SYDE1: variants seen among roughly 807,000 people sequenced by gnomAD.
The protein encoded by SYDE1 is rho GTPase-activating protein SYDE1.
SYDE1 carries 34 observed loss-of-function variants against 63.3 expected under a neutral mutation model. The ratio of observed to expected loss-of-function variants is 0.54; its 90% CI spans 0.41 to 0.71. The LOEUF is 0.71. SYDE1 is among the 30% of genes least tolerant of loss of function. The pLI is 0.00. For synonymous variants in SYDE1, 467 were observed against 473.4 expected (o/e 0.99, Z 0.18); for missense variants, 925 against 1,042.5 (o/e 0.89, Z 1.55).
At position 15,112,472 on chromosome 19, in the gene SYDE1, A is replaced by C. The variant is rs1403875570; in HGVS notation, c.1705A>C (p.Thr569Pro). 1 of 1,606,434 alleles carries C rather than the reference A, an allele frequency of 6.2e-7. No homozygotes were observed. The highest frequency in any genetic ancestry group is 8.5e-7 in the Non-Finnish European group (1 of 1,176,954). The change falls in exon 7 of 8, where the codon ACA becomes CCA. Residue 569 changes from threonine to proline, a missense_variant. Physicochemically the swap from Thr to Pro is conservative, Grantham distance 38. Around this residue, in one of 3 missense-constraint regions of SYDE1, gnomAD observed 255 missense variants for 255.9 expected, o/e 1.00. Transcript: ENST00000342784. ...GCTGCTGCCGGCACGCCAGGCGCCC[A>C]CAAGGCCTCGTGCCCGCAGCTCCGG... is the stretch of plus-strand genomic sequence containing the variant. ...PVLLPARQAP[T>P]RPRARSSGPG...
chr19:15,111,888 G>A lies in SYDE1; in HGVS notation c.1578+96G>A. The stretch of plus-strand genomic sequence containing the variant: ...CTGGGCCTGAGATGGGCATGAGCTG[G>A]CAGCATCATCATATCCCCAAGAAAT... On this transcript the variant is annotated intron_variant, in intron 6 of 7. Coordinates refer to ENST00000342784, the MANE Select transcript of SYDE1 (RefSeq NM_033025.6). The surrounding 1 kb of genome is among the most constrained non-coding windows in gnomAD (Gnocchi z 5.5). The A allele has an allele frequency of 8.0e-7, 1 of 1,246,452 alleles. No individual in the cohort carries two copies. The allele number at this position is 1,246,452 out of a possible 1,614,324, so 77.2% of individuals were successfully genotyped here.
At chr19:15,113,491 T>C in intron 7 of SYDE1, 69 bp from the exon 8 acceptor site, 1 of 1,488,040 alleles carries the variant, frequency 6.7e-7, no homozygotes, top group South Asian at 1.3e-5. Context: ...ATCAGGAGCC[T>C]AGTTCCCTAA....
In SYDE1 at chr19:15,112,418, C is replaced by A; in HGVS notation, c.1651C>A (p.Gln551Lys). The A allele has an allele frequency of 6.2e-7, 1 of 1,601,422 alleles. No individual in the cohort carries two copies. The highest frequency in any genetic ancestry group is 1.3e-5 in the African/African-American group (1 of 74,954). The change falls in exon 7 of 8, where the codon CAG (glutamine) becomes AAG (lysine). Residue 551 changes from glutamine to lysine, a missense_variant. Physicochemically the swap from Gln to Lys is moderately conservative, Grantham distance 53. Coordinates refer to ENST00000342784, the MANE Select transcript of SYDE1 (RefSeq NM_033025.6). The part of the protein sequence containing the change: ...SFHAYNRMTP[Q>K]NLAVCFGPVL... ...CCATGCCTACAACCGCATGACCCCA[C>A]AGAACTTGGCCGTGTGCTTCGGGCC...
In SYDE1 at chr19:15,109,199, C is replaced by T. The variant is rs755331402; in HGVS notation, c.232C>T (p.Pro78Ser). ...ARGAYLQSLE[P>S]SSRRWVLGGA... ...GGGAGCCTACCTGCAAAGCCTGGAG[C>T]CCAGTAGCCGCCGATGGGTGCTGGG... Residue 78 changes from proline to serine, a missense_variant, in exon 2 of 8, where the codon CCC becomes TCC. By Grantham distance (74) the Pro-to-Ser change is moderately conservative (BLOSUM62 -1). This residue lies in a region of SYDE1 where 599 missense variants were observed against 653.7 expected (regional missense o/e 0.92). Coordinates refer to ENST00000342784, the MANE Select transcript of SYDE1 (RefSeq NM_033025.6). The surrounding 1 kb of genome is among the most constrained non-coding windows in gnomAD (Gnocchi z 5.0). The T allele has an allele frequency of 3.2e-6, 5 of 1,564,132 alleles. No homozygotes were observed. The highest frequency in any genetic ancestry group is 4.3e-6 in the Non-Finnish European group (5 of 1,154,024).
Position 15,112,516 on chromosome 19 carries a change from A to T in SYDE1, c.1749A>T (p.Ala583=). The T allele has an allele frequency of 6.2e-7, 1 of 1,606,550 alleles. No homozygotes were observed. Among genetic ancestry groups the T allele is most frequent in the South Asian group, 1.1e-5 (1 of 89,400 alleles). ...GCTCCGGCCCAGGCCTTGCCAGTGCAGTGGACTTCAAGCACCACATCGAGG... is the reference window on the plus strand; with the variant it reads ...GCTCCGGCCCAGGCCTTGCCAGTGCTGTGGACTTCAAGCACCACATCGAGG... ...ARSSGPGLAS[A]VDFKHHIEVL... Residue 583 remains alanine (A), a synonymous_variant, in exon 7 of 8, where the codon GCA becomes GCT. Transcript: ENST00000342784.
chr19:15,113,921 T>G lies in SYDE1; in HGVS notation c.2166T>G (p.Asp722Glu). 1 of 1,613,976 alleles carries G rather than the reference T, an allele frequency of 6.2e-7. No individual in the cohort carries two copies. Among genetic ancestry groups the G allele is most frequent in the African/African-American group, 1.3e-5 (1 of 75,062 alleles). The change falls in exon 8 of 8, where the codon GAT becomes GAG. Residue 722 changes from aspartate (D) to glutamate (E), a missense_variant. By Grantham distance (45) the Asp-to-Glu change is conservative. Transcript: ENST00000342784. ...NLKDFDALIL[D>E]LERELSKQIN... is the part of the protein sequence containing the mutation. Reference sequence around the variant, plus strand: ...AAGACTTCGACGCCCTCATCCTGGATCTGGAGAGAGAGCTCTCCAAGCAAA... The same window carrying G: ...AAGACTTCGACGCCCTCATCCTGGAGCTGGAGAGAGAGCTCTCCAAGCAAA...
At position 15,114,138 on chromosome 19, in the gene SYDE1, C is replaced by A; in HGVS notation, c.*175C>A. The A allele has an allele frequency of 1.5e-6, 1 of 646,094 alleles. No individual in the cohort carries two copies. The highest frequency in any genetic ancestry group is 2.6e-6 in the Non-Finnish European group (1 of 382,184). The allele number at this position is 646,094 out of a possible 1,614,324, so 40.0% of individuals were successfully genotyped here. A position where few individuals can be genotyped will look rare whatever the true frequency, so the allele number is the denominator to read the frequency against. On this transcript the variant is annotated 3_prime_UTR_variant, in exon 8 of 8. Coordinates refer to ENST00000342784, the MANE Select transcript of SYDE1 (RefSeq NM_033025.6). ...TGAGACTCATTCCCAGTTTCCAGGG[C>A]CCGGTATTTGGACACTAGTTGCCAA...
In SYDE1 at chr19:15,111,545, C is replaced by A; in HGVS notation, c.1418-87C>A. 1.3e-6 allele frequency: 2 copies of A among 1,596,730 alleles called. No individual in the cohort carries two copies. The highest frequency in any genetic ancestry group is 3.4e-5 in the Admixed American group (2 of 59,272). On this transcript the variant is annotated intron_variant, in intron 5 of 7. Coordinates refer to ENST00000342784, the MANE Select transcript of SYDE1 (RefSeq NM_033025.6). This position sits in a 1 kb window ranked among gnomAD's most constrained non-coding sequence, Gnocchi z 5.5. ...CAGTCCTCCTATCTGACCTTGCTTT[C>A]ACCCACCTCCTCTTCCCCCTTAGCT...
At chr19:15,107,875 G>A (rs1409233722) in intron 1 of SYDE1, among the ~76,000 whole-genome samples, 1 of 152,098 alleles carries the variant, frequency 6.6e-6, no homozygotes, top group East Asian at 1.9e-4. Flanking sequence ...AGTCGGGCTG[G>A]GCAAGGGGCA....
Position 15,110,070 on chromosome 19 carries a change from G to A in SYDE1, c.797G>A (p.Gly266Asp). The A allele has an allele frequency of 6.7e-7, 1 of 1,489,024 alleles. No individual in the cohort carries two copies. 92.2% of individuals were successfully genotyped at this position (1,489,024 alleles called of 1,614,324 possible). Residue 266 changes from glycine to aspartate, a missense_variant, in exon 3 of 8, where the codon GGC becomes GAC. Physicochemically the swap from Gly to Asp is moderately conservative, Grantham distance 94. Around this residue, in one of 3 missense-constraint regions of SYDE1, gnomAD observed 599 missense variants for 653.7 expected, o/e 0.92. Transcript: ENST00000342784. The surrounding 1 kb of genome is among the most constrained non-coding windows in gnomAD (Gnocchi z 6.9). Reference protein sequence around the residue: ...AARAPPAALWGRLSLHLYGLG... With the variant: ...AARAPPAALWDRLSLHLYGLG... ...CGGGCACCCCCGGCCGCACTCTGGGGCCGCCTCAGCCTGCACCTGTACGGT... is the reference window on the plus strand; with the variant it reads ...CGGGCACCCCCGGCCGCACTCTGGGACCGCCTCAGCCTGCACCTGTACGGT...
intron 7 of SYDE1, among the ~76,000 whole-genome samples, chr19:15,113,331 C>T (rs181649706): frequency 6.6e-6 from 1 of 152,330 alleles, no homozygotes; most frequent in African/African-American, 2.4e-5. Flanking sequence ...ATGATCCAGG[C>T]ATGATCCACA....
rs959630663 is a variant in SYDE1 at position 15,114,156 on chromosome 19, G to A, written c.*193G>A. The A allele has an allele frequency of 3.2e-5, 19 of 595,458 alleles. No individual in the cohort carries two copies. Among genetic ancestry groups the A allele is most frequent in the African/African-American group, 3.2e-4 (17 of 53,382 alleles). 36.9% of individuals were successfully genotyped at this position (595,458 alleles called of 1,614,324 possible). ...TCCAGGGCCCGGTATTTGGACACTA[G>A]TTGCCAAGTCTGGGGCCTGGGGATT... is the stretch of plus-strand genomic sequence containing the variant. On this transcript the variant is annotated 3_prime_UTR_variant, in exon 8 of 8. Coordinates refer to ENST00000342784, the MANE Select transcript of SYDE1 (RefSeq NM_033025.6).
Position 15,109,409 on chromosome 19 carries a change from C to T in SYDE1, c.430+12C>T, listed in dbSNP as rs1176949087. The T allele has an allele frequency of 6.6e-7, 1 of 1,525,496 alleles. No individual in the cohort carries two copies. 94.5% of individuals were successfully genotyped at this position (1,525,496 alleles called of 1,614,324 possible). ...CCTGGCCCCCCAAGGTAAGAACAAG[C>T]TTCCCATCCCCTTCCCCAAGGTGAG... On this transcript the variant is annotated intron_variant, in intron 2 of 7. Transcript: ENST00000342784. The surrounding 1 kb of genome is among the most constrained non-coding windows in gnomAD (Gnocchi z 5.0).
rs1466437187 is a variant in SYDE1, at chr19:15,112,417, A to G, written c.1650A>G (p.Pro550=). The part of the protein sequence containing the change: ...SSFHAYNRMT[P]QNLAVCFGPV... The stretch of plus-strand genomic sequence containing the variant: ...TCCATGCCTACAACCGCATGACCCC[A>G]CAGAACTTGGCCGTGTGCTTCGGGC... Residue 550 remains proline, a synonymous_variant, in exon 7 of 8, where the codon CCA becomes CCG. Transcript: ENST00000342784. 2 of 1,601,224 alleles carry G rather than the reference A, an allele frequency of 1.2e-6. No homozygotes were observed. The highest frequency in any genetic ancestry group is 1.7e-6 in the Non-Finnish European group (2 of 1,174,452).
Position 15,113,239 on chromosome 19 carries a change from G to C in SYDE1, c.1805-321G>C, listed in dbSNP as rs377278073. Among the ~76,000 whole-genome samples, 33 of 150,484 alleles carry C rather than the reference G, an allele frequency of 2.2e-4. 1 individual carries two copies. The highest frequency in any genetic ancestry group is 8.1e-4 in the African/African-American group (33 of 40,966). On this transcript the variant is annotated intron_variant, in intron 7 of 7. Transcript: ENST00000342784. ...ATTTTTAGTGGAGATGGGGCTTCAC[G>C]GTGTTGGCCAGGCTGGTCTTGAACT...
Position 15,109,894 on chromosome 19 carries a change from C to G in SYDE1, c.621C>G (p.Asp207Glu). The change falls in exon 3 of 8, where the codon GAC becomes GAG. Residue 207 changes from aspartate to glutamate, a missense_variant. Around this residue, in one of 3 missense-constraint regions of SYDE1, gnomAD observed 599 missense variants for 653.7 expected, o/e 0.92. Coordinates refer to ENST00000342784, the MANE Select transcript of SYDE1 (RefSeq NM_033025.6). This position sits in a 1 kb window ranked among gnomAD's most constrained non-coding sequence, Gnocchi z 5.0. ...CCGTCATCAGCCGCTACCACCTGGACAGCAGCGTGGGGGGCCCCGGGCCGG... is the reference window on the plus strand; with the variant it reads ...CCGTCATCAGCCGCTACCACCTGGAGAGCAGCGTGGGGGGCCCCGGGCCGG... ...AGSVISRYHLDSSVGGPGPAA... is the reference protein window; with the variant it reads ...AGSVISRYHLESSVGGPGPAA... The G allele has an allele frequency of 6.7e-7, 1 of 1,496,216 alleles. No homozygotes were observed. Among genetic ancestry groups the G allele is most frequent in the Non-Finnish European group, 8.9e-7 (1 of 1,127,316 alleles). 92.7% of individuals were successfully genotyped at this position (1,496,216 alleles called of 1,614,324 possible). A position where few individuals can be genotyped will look rare whatever the true frequency, so the allele number is the denominator to read the frequency against.
Position 15,110,887 on chromosome 19 carries a change from A to G in SYDE1, c.1290+152A>G. The stretch of plus-strand genomic sequence containing the variant: ...GACAAGGGCAGAAGGCGCCCCCTTG[A>G]CTGTAGCACCCTGGGCAGAACCCAT... On this transcript the variant is annotated intron_variant, in intron 4 of 7. Coordinates refer to ENST00000342784, the MANE Select transcript of SYDE1 (RefSeq NM_033025.6). This position sits in a 1 kb window ranked among gnomAD's most constrained non-coding sequence, Gnocchi z 6.9. The G allele has an allele frequency of 1.5e-6, 1 of 684,282 alleles. No homozygotes were observed. The highest frequency in any genetic ancestry group is 2.4e-6 in the Non-Finnish European group (1 of 418,140). The allele number at this position is 684,282 out of a possible 1,614,324, so 42.4% of individuals were successfully genotyped here.
chr19:15,111,922 T>C lies in SYDE1; in HGVS notation c.1578+130T>C. The C allele has an allele frequency of 4.3e-6, 4 of 940,170 alleles. No individual in the cohort carries two copies. Among genetic ancestry groups the C allele is most frequent in the Non-Finnish European group, 6.1e-6 (4 of 650,878 alleles). The allele number at this position is 940,170 out of a possible 1,614,324, so 58.2% of individuals were successfully genotyped here. A position where few individuals can be genotyped will look rare whatever the true frequency, so the allele number is the denominator to read the frequency against. On this transcript the variant is annotated intron_variant, in intron 6 of 7. Transcript: ENST00000342784. The surrounding 1 kb of genome is among the most constrained non-coding windows in gnomAD (Gnocchi z 5.5). Reference sequence around the variant, plus strand: ...TCATATCCCCAAGAAATAGGTGCTATTAGCATCCCACTTCATAGATTTGGA... The same window carrying C: ...TCATATCCCCAAGAAATAGGTGCTACTAGCATCCCACTTCATAGATTTGGA...
Position 15,109,047 on chromosome 19 carries a change from C to G in SYDE1, c.89-9C>G, listed in dbSNP as rs2046323622. 1 of 1,474,342 alleles carries G rather than the reference C, an allele frequency of 6.8e-7. No homozygotes were observed. The highest frequency in any genetic ancestry group is 2.6e-5 in the Admixed American group (1 of 38,584). 91.3% of individuals were successfully genotyped at this position (1,474,342 alleles called of 1,614,324 possible). On this transcript the variant is annotated splice_polypyrimidine_tract_variant and intron_variant, in intron 1 of 7. Coordinates refer to ENST00000342784, the MANE Select transcript of SYDE1 (RefSeq NM_033025.6). The surrounding 1 kb of genome is among the most constrained non-coding windows in gnomAD (Gnocchi z 5.0). The stretch of plus-strand genomic sequence containing the variant: ...CTGGGTGGGTCTCACTCCCCTTGCT[C>G]TCTGCCAGGCCACCCAGCCCAGCGC...
Sources: gnomAD v4.1 joint callset for allele counts (sites outside exome capture counted in the v4.1 genomes callset) on GRCh38, gnomAD v4.1.1 for gene constraint, gnomAD v4.1.1 regional missense constraint, Gnocchi (gnomAD v3.1) non-coding constraint, MANE v1.5 for transcripts, NCBI Gene and HGNC (gene_info 2026-07-23, HGNC 2026-07-21) for gene names.